The following INPP4B variants were observed in gnomAD, a reference collection of about 807,000 sequenced individuals.
INPP4B encodes the protein inositol polyphosphate-4-phosphatase type II B.
In INPP4B, 55 loss-of-function variants were observed where a neutral mutation model predicts 122.5. That is an observed-to-expected ratio of 0.45 (90% confidence interval 0.36 to 0.56). The LOEUF (loss-of-function observed/expected upper bound fraction) is 0.56. INPP4B is among the 20% of genes least tolerant of loss of function. The pLI, the probability that INPP4B is intolerant of heterozygous loss-of-function variation, is 0.00. For synonymous variants in INPP4B, 403 were observed against 388.7 expected (o/e 1.04, Z -0.43); for missense variants, 1,000 against 1,097.7 (o/e 0.91, Z 1.26).
intron 9 of INPP4B, among the ~76,000 whole-genome samples, chr4:142,288,875 A>T (rs2150936308): frequency 6.6e-6 from 1 of 152,286 alleles, no homozygotes; most frequent in Non-Finnish European, 1.5e-5. Context: ...TCAGTAAGTT[A>T]TTATTACATT....
intron 2 of INPP4B, among the ~76,000 whole-genome samples, chr4:142,552,514 C>T (rs896876278): frequency 6.6e-6 from 1 of 151,782 alleles, no homozygotes; most frequent in African/African-American, 2.4e-5. Flanking sequence ...AAATGAATTC[C>T]TACATCAGAT....
In INPP4B at chr4:142,537,199, G is replaced by A. The variant is rs1453120033; in HGVS notation, c.-190-74473C>T. Among the ~76,000 whole-genome samples, 4 of 151,796 alleles carry A rather than the reference G, an allele frequency of 2.6e-5. 1 individual carries two copies. Among genetic ancestry groups the A allele is most frequent in the Admixed American group, 6.6e-5 (1 of 15,230 alleles). Reference sequence around the variant, plus strand: ...AAAGCTTCAGAGTCCTGAGTGGCCAGTAAATATAGGCTTCTAGAGATGGTA... The same window carrying A: ...AAAGCTTCAGAGTCCTGAGTGGCCAATAAATATAGGCTTCTAGAGATGGTA... On this transcript the variant is annotated intron_variant, in intron 2 of 25. Transcript: ENST00000262992.
rs529748892 is a variant in INPP4B at position 142,573,946 on chromosome 4, T to C, written c.-190-111220A>G. Reference sequence around the variant, plus strand: ...TATTTATTTGCATAGAATTCTATAATATACAAATTACTTTATTATATATAT... The same window carrying C: ...TATTTATTTGCATAGAATTCTATAACATACAAATTACTTTATTATATATAT... On this transcript the variant is annotated intron_variant, in intron 2 of 25. Coordinates refer to ENST00000262992, the MANE Select transcript of INPP4B (RefSeq NM_001101669.3). Among the ~76,000 whole-genome samples the C allele has an allele frequency of 3.9e-5, 6 of 152,268 alleles. No homozygotes were observed. The East Asian group carries it at 1.2e-3, about 29-fold the overall frequency.
At chr4:142,579,374 A>G (rs1734520703) in intron 2 of INPP4B, among the ~76,000 whole-genome samples, 1 of 152,026 alleles carries the variant, frequency 6.6e-6, no homozygotes, top group Non-Finnish European at 1.5e-5. Context: ...GCAAAGAAGG[A>G]AAGAAGAGTG....
intron 2 of INPP4B, among the ~76,000 whole-genome samples, chr4:142,720,575 G>A (rs774779994): frequency 9.9e-5 from 15 of 150,816 alleles, no homozygotes; most frequent in Non-Finnish European, 1.5e-4. Flanking sequence ...CAGTGTAAAC[G>A]CTATATAAAT....
At chr4:142,124,166 T>A (rs1366387520) in intron 19 of INPP4B, among the ~76,000 whole-genome samples, 1 of 152,060 alleles carries the variant, frequency 6.6e-6, no homozygotes, top group East Asian at 1.9e-4. Context: ...AATTGTGAAA[T>A]CCTGTCCCAG....
chr4:142,426,909 G>C (rs995160306), intron 5 of INPP4B: 20 of 151,786 alleles, frequency 1.3e-4, no homozygotes, highest in African/African-American at 4.8e-4. Flanking sequence ...AGACGAAAAA[G>C]CCCTCTTCCT....
chr4:142,666,891 C>T (rs1580666733), intron 2 of INPP4B, among the ~76,000 whole-genome samples: 2 of 152,252 alleles, frequency 1.3e-5, no homozygotes, highest in South Asian at 2.1e-4. Flanking sequence ...TTTTTTCATG[C>T]GTTCTGTCAG....
chr4:142,714,809 G>A (rs1206367356), intron 2 of INPP4B, among the ~76,000 whole-genome samples: 1 of 152,162 alleles, frequency 6.6e-6, no homozygotes, highest in African/African-American at 2.4e-5. Flanking sequence ...AGGACTCTCT[G>A]CTGGGAGAAC....
chr4:142,563,803 C>G (rs1730978657), intron 2 of INPP4B, among the ~76,000 whole-genome samples: 1 of 152,148 alleles, frequency 6.6e-6, no homozygotes, highest in Non-Finnish European at 1.5e-5. Context: ...TCCATTTGCA[C>G]AAGCCCAAGT....
intron 1 of INPP4B, among the ~76,000 whole-genome samples, chr4:142,810,182 A>AAAT (rs1178075471): frequency 3.3e-5 from 5 of 151,908 alleles, no homozygotes; most frequent in Non-Finnish European, 7.4e-5. Context: ...AAAAAAAAAA[A>AAAT]AAAATCAAAT....
chr4:142,801,764 G>A, intron 1 of INPP4B, among the ~76,000 whole-genome samples: 1 of 152,164 alleles, frequency 6.6e-6, no homozygotes, highest in East Asian at 1.9e-4. Context: ...CAGATTTTTA[G>A]TTTCAGTATT....
chr4:142,767,413 G>A (rs1772320561), intron 1 of INPP4B, among the ~76,000 whole-genome samples: 1 of 152,148 alleles, frequency 6.6e-6, no homozygotes, highest in Admixed American at 6.5e-5. Context: ...CCCTATATCT[G>A]TTATAAACCT....
chr4:142,190,866 T>C (rs1835495007), intron 15 of INPP4B, among the ~76,000 whole-genome samples: 1 of 152,108 alleles, frequency 6.6e-6, no homozygotes, highest in Non-Finnish European at 1.5e-5. Context: ...AACTCAACAG[T>C]TGTCTTTAAC....
intron 2 of INPP4B, among the ~76,000 whole-genome samples, chr4:142,505,951 CT>C (rs1380934910): frequency 1.3e-5 from 2 of 152,120 alleles, no homozygotes; most frequent in African/African-American, 4.8e-5. Context: ...TGAGGCATTT[CT>C]TTTTTTCACC....
At chr4:142,115,643 C>T (rs1266655854) in intron 21 of INPP4B, among the ~76,000 whole-genome samples, 1 of 152,144 alleles carries the variant, frequency 6.6e-6, no homozygotes, top group African/African-American at 2.4e-5. Context: ...GCCTGCCTTA[C>T]AAGAGCTCCT....
chr4:142,338,877 A>G (rs1414129846), intron 7 of INPP4B, among the ~76,000 whole-genome samples: 1 of 151,982 alleles, frequency 6.6e-6, no homozygotes, highest in African/African-American at 2.4e-5. Flanking sequence ...TCTGTGAACT[A>G]CCTCAACAGG....
chr4:142,610,446 G>C (rs1285386525), intron 2 of INPP4B, among the ~76,000 whole-genome samples: 2 of 151,842 alleles, frequency 1.3e-5, no homozygotes, highest in African/African-American at 4.8e-5. Context: ...TGCATTAGAT[G>C]GTGTAATTTT....
chr4:142,145,598 TC>T (rs1810262821), intron 18 of INPP4B, among the ~76,000 whole-genome samples: 1 of 152,092 alleles, frequency 6.6e-6, no homozygotes, highest in African/African-American at 2.4e-5. Context: ...TGTTCTTTTT[TC>T]AAGGTTTTTA....
Sources: allele counts gnomAD v4.1 joint callset (sites outside exome capture counted in the v4.1 genomes callset), GRCh38; gene constraint gnomAD v4.1.1; transcripts MANE v1.5; gene names NCBI Gene and HGNC (gene_info 2026-07-23, HGNC 2026-07-21).